Variants in INTU observed in about 807,000 individuals in gnomAD.
INTU encodes the protein protein inturned.
INTU carries 68 observed loss-of-function variants against 100.5 expected under a neutral mutation model. The ratio of observed to expected loss-of-function variants is 0.68; its 90% CI spans 0.56 to 0.83. The LOEUF (loss-of-function observed/expected upper bound fraction) is 0.83. INTU is among the 40% of genes least tolerant of loss of function. The pLI, the probability that INTU is intolerant of heterozygous loss-of-function variation, is 0.00. For missense variants in INTU, 1,071 were observed against 1,114.7 expected (o/e 0.96, Z 0.56); for synonymous variants, 357 against 395.7 (o/e 0.90, Z 1.16).
intron 11 of INTU, among the ~76,000 whole-genome samples, chr4:127,706,089 T>A (rs1372538136): frequency 6.6e-6 from 1 of 152,236 alleles, no homozygotes; most frequent in African/African-American, 2.4e-5. Context: ...TAAAGTCTTT[T>A]GTTCCCCTTT....
intron 6 of INTU, among the ~76,000 whole-genome samples, chr4:127,676,470 C>T (rs1426680414): frequency 6.6e-6 from 1 of 151,836 alleles, no homozygotes; most frequent in Non-Finnish European, 1.5e-5. Context: ...CCTGTAGTTC[C>T]AGCTACTTGG....
chr4:127,688,274 T>C (rs1395629282), intron 8 of INTU, among the ~76,000 whole-genome samples: 2 of 152,158 alleles, frequency 1.3e-5, no homozygotes, highest in Admixed American at 6.5e-5. Flanking sequence ...AGTCCACTAG[T>C]CTACCAAAAT....
At position 127,643,979 on chromosome 4, in the gene INTU, A is replaced by C; in HGVS notation, c.605A>C (p.Gln202Pro). 6.2e-7 allele frequency: 1 copy of C among 1,614,210 alleles called. No homozygotes were observed. The highest frequency in any genetic ancestry group is 8.5e-7 in the Non-Finnish European group (1 of 1,180,022). Residue 202 changes from glutamine to proline, a missense_variant, in exon 2 of 16, where the codon CAG (glutamine) becomes CCG (proline). Coordinates refer to ENST00000335251, the MANE Select transcript of INTU (RefSeq NM_015693.4). ...TKWSWRRTGK[Q>P]GDGERLVVHG... is the part of the protein sequence containing the mutation. ...TGGAGCTGGAGAAGAACCGGAAAGC[A>C]GGGTGATGGAGAGAGGCTTGTGGTT...
intron 7 of INTU, among the ~76,000 whole-genome samples, 155 bp downstream of exon 7, chr4:127,684,641 C>T (rs1213924449): frequency 6.6e-6 from 1 of 151,652 alleles, no homozygotes; most frequent in South Asian, 2.1e-4. Flanking sequence ...CTTCCTCCTC[C>T]TCCTTCTTCC....
chr4:127,707,113 A>G, intron 12 of INTU, 144 bp downstream of exon 12: 1 of 1,019,362 alleles, frequency 9.8e-7, no homozygotes, highest in South Asian at 1.6e-5. Context: ...CAAACCAATG[A>G]TTTTGAACCA....
At chr4:127,686,600 A>ATG (rs2126230532) in intron 7 of INTU, 1 of 152,332 alleles carries the variant, frequency 6.6e-6, no homozygotes, top group African/African-American at 2.4e-5. Context: ...TTGGAATATC[A>ATG]GCTCAAATGC....
At chr4:127,676,399 A>G (rs1054000164) in intron 6 of INTU, among the ~76,000 whole-genome samples, 2 of 152,000 alleles carry the variant, frequency 1.3e-5, no homozygotes, top group Non-Finnish European at 2.9e-5. Flanking sequence ...CAGCCTAGGT[A>G]ACATGGTGAA....
rs937638448 is a variant in INTU, at chr4:127,720,075, G to T, written c.*3639G>T. 6.6e-6 allele frequency: 1 copy of T among 152,112 alleles called. No individual in the cohort carries two copies. Among genetic ancestry groups the T allele is most frequent in the Admixed American group, 6.6e-5 (1 of 15,250 alleles). The allele number at this position is 152,112 out of a possible 1,614,324, so 9.4% of individuals were successfully genotyped here. On this transcript the variant is annotated 3_prime_UTR_variant, in exon 16 of 16. Coordinates refer to ENST00000335251, the MANE Select transcript of INTU (RefSeq NM_015693.4). ...TAGTTCTTTTAGTTGTGATACTAGG[G>T]TGTCGATTTGAGATCTTTCTAGCTT...
chr4:127,676,610 A>T (rs1729202583), intron 6 of INTU, among the ~76,000 whole-genome samples: 1 of 146,962 alleles, frequency 6.8e-6, no homozygotes, highest in African/African-American at 2.5e-5. Flanking sequence ...AGAGAGAGAG[A>T]GGTGGGAGCC....
At chr4:127,673,554 T>C (rs545256972) in intron 5 of INTU, among the ~76,000 whole-genome samples, 7 of 151,998 alleles carry the variant, frequency 4.6e-5, no homozygotes, top group African/African-American at 1.7e-4. Context: ...TTTCAACTTT[T>C]TTTTTTTTTC....
At position 127,699,989 on chromosome 4, in the gene INTU, CTT is replaced by C. The variant is rs377528224; in HGVS notation, c.1450-9_1450-8del. 5.4e-3 allele frequency: 6,856 copies of C among 1,259,204 alleles called. No homozygotes were observed. Among genetic ancestry groups the C allele is most frequent in the South Asian group, 0.012 (803 of 64,956 alleles). The allele number at this position is 1,259,204 out of a possible 1,614,324, so 78.0% of individuals were successfully genotyped here. ...ATATGAGTCAAATGTTTATGTTACT[CTT>C]TTTTTTTTTTTAACATAGATGGAAT... On this transcript the variant is annotated intron_variant, in intron 8 of 15. Coordinates refer to ENST00000335251, the MANE Select transcript of INTU (RefSeq NM_015693.4).
intron 6 of INTU, among the ~76,000 whole-genome samples, chr4:127,681,661 C>G (rs1426771174): frequency 1.3e-5 from 2 of 152,128 alleles, no homozygotes; most frequent in Non-Finnish European, 2.9e-5. Context: ...TAGAAGAAAA[C>G]CTAGGCATTA....
At chr4:127,678,221 C>G (rs1021343111) in intron 6 of INTU, among the ~76,000 whole-genome samples, 9 of 152,056 alleles carry the variant, frequency 5.9e-5, no homozygotes, top group Admixed American at 2.0e-4. Flanking sequence ...GCAAGGCAGG[C>G]CAACATTCAG....
Position 127,710,529 on chromosome 4 carries a change from A to G in INTU, c.2370-384A>G, listed in dbSNP as rs77711895. The stretch of plus-strand genomic sequence containing the variant: ...TTTATATGTGGTCTACCCTAGACTG[A>G]TATCTTGTTTATGGCTTATAGCTAT... On this transcript the variant is annotated intron_variant, in intron 13 of 15. Coordinates refer to ENST00000335251, the MANE Select transcript of INTU (RefSeq NM_015693.4). 5.1e-3 allele frequency among the ~76,000 whole-genome samples: 780 copies of G among 152,218 alleles called. 8 individuals carry two copies. The highest frequency in any genetic ancestry group is 0.018 in the African/African-American group (749 of 41,542).
intron 6 of INTU, among the ~76,000 whole-genome samples, chr4:127,681,589 T>C (rs1022244062): frequency 6.6e-5 from 10 of 152,116 alleles, no homozygotes; most frequent in Non-Finnish European, 1.2e-4. Flanking sequence ...TTACACCTTA[T>C]ACAAAAATTA....
Position 127,644,033 on chromosome 4 carries a change from T to C in INTU, c.659T>C (p.Met220Thr), listed in dbSNP as rs140900658. Residue 220 changes from methionine (M) to threonine (T), a missense_variant, in exon 2 of 16, where the codon ATG becomes ACG. Transcript: ENST00000335251. ...GGCCTGCTGCCAGGGGGATCTGCTA[T>C]GAAGAGCGGTCAGGTACTCATTGGT... The part of the protein sequence containing the change: ...VHGLLPGGSA[M>T]KSGQVLIGDV... The C allele has an allele frequency of 1.4e-5, 23 of 1,613,832 alleles. No homozygotes were observed. In the African/African-American group the frequency reaches 2.8e-4, roughly 20 times the overall value.
rs1731393203 is a variant in INTU at position 127,724,726 on chromosome 4, C to CA, written c.*8291dup. The CA allele has an allele frequency of 6.6e-6, 1 of 152,100 alleles. No individual in the cohort carries two copies. The highest frequency in any genetic ancestry group is 1.5e-5 in the Non-Finnish European group (1 of 68,022). The allele number at this position is 152,100 out of a possible 1,614,324, so 9.4% of individuals were successfully genotyped here. On this transcript the variant is annotated 3_prime_UTR_variant, in exon 16 of 16. Coordinates refer to ENST00000335251, the MANE Select transcript of INTU (RefSeq NM_015693.4). ...CTTAAGCTTTGAATACAAGCTATAC[C>CA]AGCACATCTAAAATCGGTCTCTACA...
intron 3 of INTU, among the ~76,000 whole-genome samples, chr4:127,660,956 T>C (rs1337932192): frequency 6.6e-6 from 1 of 152,228 alleles, no homozygotes; most frequent in Non-Finnish European, 1.5e-5. Context: ...AATTTGGTTA[T>C]CTGTCTCACC....
intron 2 of INTU, among the ~76,000 whole-genome samples, chr4:127,656,119 G>A (rs190745696): frequency 6.6e-6 from 1 of 150,616 alleles, no homozygotes; most frequent in East Asian, 1.9e-4. Context: ...TACGCCCACT[G>A]TCTGGTACTC....
Sources: allele counts gnomAD v4.1 joint callset (sites outside exome capture counted in the v4.1 genomes callset), GRCh38; gene constraint gnomAD v4.1.1; transcripts MANE v1.5; gene names NCBI Gene and HGNC (gene_info 2026-07-23, HGNC 2026-07-21).